RGS6: variants seen among roughly 807,000 people sequenced by gnomAD.
The protein encoded by RGS6 is regulator of G-protein signaling 6.
A neutral mutation model predicts 78.5 loss-of-function variants in RGS6; 30 were observed. The ratio of observed to expected loss-of-function variants is 0.38; its 90% CI spans 0.29 to 0.52. RGS6 has a LOEUF of 0.52. Ranked by LOEUF, RGS6 falls within the 20% of genes least tolerant of loss-of-function variation. The pLI, the probability that RGS6 is intolerant of heterozygous loss-of-function variation, is 0.85. For synonymous variants in RGS6, 206 were observed against 206.0 expected (o/e 1.00, Z 0.00); for missense variants, 495 against 609.7 (o/e 0.81, Z 1.98).
At chr14:71,869,341 G>A in the RGS6 span, among the ~76,000 whole-genome samples, 13 of 152,330 alleles carry the variant, frequency 8.5e-5, no homozygotes, top group African/African-American at 3.1e-4. Flanking sequence ...TCTGCCAGAA[G>A]AAAGTGAAAT....
intron 2 of RGS6, among the ~76,000 whole-genome samples, chr14:72,247,956 T>C (rs1428433078): frequency 1.3e-5 from 2 of 152,196 alleles, no homozygotes; most frequent in East Asian, 3.9e-4. Context: ...TATTCTGTTA[T>C]AGCAACACAA....
the RGS6 span, among the ~76,000 whole-genome samples, chr14:72,628,630 T>G: frequency 9.2e-5 from 14 of 151,462 alleles, no homozygotes; most frequent in Non-Finnish European, 1.6e-4. Context: ...GAAGTAGTCT[T>G]GCCAAAAGAG....
intron 1 of RGS6, among the ~76,000 whole-genome samples, chr14:71,935,279 G>T (rs1448187388): frequency 6.6e-6 from 1 of 152,016 alleles, no homozygotes; most frequent in Non-Finnish European, 1.5e-5. Flanking sequence ...AACAGTTCAG[G>T]AAAATACAAA....
At chr14:71,932,129 G>A (rs549054114), upstream of RGS6, among the ~76,000 whole-genome samples, 1 of 152,344 alleles carries the variant, frequency 6.6e-6, no homozygotes, top group East Asian at 1.9e-4. Context: ...GCCCGGTCGA[G>A]CCAGTCTCTC....
intron 3 of RGS6, among the ~76,000 whole-genome samples, chr14:72,382,962 A>C (rs1206692791): frequency 4.6e-5 from 7 of 151,962 alleles, no homozygotes; most frequent in African/African-American, 1.7e-4. Context: ...GTAGACAACA[A>C]GAAATGTTTA....
intron 2 of RGS6, among the ~76,000 whole-genome samples, chr14:72,341,389 G>T (rs2076962757): frequency 1.3e-5 from 2 of 152,192 alleles, no homozygotes; most frequent in African/African-American, 4.8e-5. Context: ...CTCTAACACT[G>T]GGGATTACAA....
At chr14:72,254,585 T>C (rs977138462) in intron 2 of RGS6, among the ~76,000 whole-genome samples, 7 of 152,136 alleles carry the variant, frequency 4.6e-5, no homozygotes, top group African/African-American at 1.7e-4. Context: ...TGTCCAATTT[T>C]AGCCTACTGG....
chr14:72,453,259 C>T (rs888641749), intron 3 of RGS6, among the ~76,000 whole-genome samples: 1 of 152,072 alleles, frequency 6.6e-6, no homozygotes, highest in African/African-American at 2.4e-5. Context: ...GTTACAGCAC[C>T]TCTTGTCCAG....
chr14:71,882,090 C>T, the RGS6 span, among the ~76,000 whole-genome samples: 2 of 152,186 alleles, frequency 1.3e-5, no homozygotes, highest in Non-Finnish European at 2.9e-5. Context: ...TTCTGTATTC[C>T]TTAACTCTGT....
At chr14:72,022,523 A>G (rs1490156239) in intron 2 of RGS6, 1 of 152,226 alleles carries the variant, frequency 6.6e-6, no homozygotes, top group African/African-American at 2.4e-5. Flanking sequence ...AGTTGCTATT[A>G]CAATTATGAT....
chr14:72,317,069 G>A (rs1208881282), intron 2 of RGS6, among the ~76,000 whole-genome samples: 1 of 152,066 alleles, frequency 6.6e-6, no homozygotes, highest in Non-Finnish European at 1.5e-5. Flanking sequence ...GCAGAACTGG[G>A]TTCTAATGCT....
In RGS6 at chr14:72,163,223, A is replaced by G. The variant is rs1441842797; in HGVS notation, c.85-188872A>G. On this transcript the variant is annotated intron_variant, in intron 2 of 17. Transcript: ENST00000553525. Reference sequence around the variant, plus strand: ...AATAAAAAATTAAAAAATAATAAAAATAAAATAAAATCTTTATAAGACTAC... The same window carrying G: ...AATAAAAAATTAAAAAATAATAAAAGTAAAATAAAATCTTTATAAGACTAC... Among the ~76,000 whole-genome samples, 5 of 152,196 alleles carry G rather than the reference A, an allele frequency of 3.3e-5. No individual in the cohort carries two copies. In the East Asian group the frequency reaches 9.6e-4, roughly 29 times the overall value.
chr14:71,906,267 C>A, the RGS6 span, among the ~76,000 whole-genome samples: 5 of 152,240 alleles, frequency 3.3e-5, no homozygotes, highest in African/African-American at 1.2e-4. Flanking sequence ...TTCCAAAGCA[C>A]CAGCTGCTGA....
chr14:72,291,668 G>A (rs548589211), intron 2 of RGS6, among the ~76,000 whole-genome samples: 2 of 152,278 alleles, frequency 1.3e-5, no homozygotes, highest in African/African-American at 2.4e-5. Flanking sequence ...GAAAGATAGA[G>A]CAGAGTAGCA....
chr14:72,238,007 G>A (rs1235205338), intron 2 of RGS6, among the ~76,000 whole-genome samples: 3 of 152,110 alleles, frequency 2.0e-5, no homozygotes, highest in Non-Finnish European at 4.4e-5. Flanking sequence ...GGTCACATAG[G>A]CTTGAAGGAT....
chr14:72,617,632 G>A, the RGS6 span, among the ~76,000 whole-genome samples: 5 of 152,196 alleles, frequency 3.3e-5, no homozygotes, highest in Non-Finnish European at 4.4e-5. Context: ...CTGCTGAAGC[G>A]TGGGGGAGAC....
intron 17 of RGS6, 88 bp downstream of exon 17, chr14:72,540,182 G>A: frequency 1.4e-6 from 2 of 1,426,808 alleles, no homozygotes; most frequent in South Asian, 1.4e-5. Context: ...CCCTTTGGTT[G>A]TTGTTTCCTT....
rs2094474148 is a variant in RGS6, at chr14:72,427,451, A to AT, written c.185-27075dup. On this transcript the variant is annotated intron_variant, in intron 3 of 17. Coordinates refer to ENST00000553525, the MANE Select transcript of RGS6 (RefSeq NM_001204424.2). ...ACTACTGTAGATCCTCCTGCTCCTA[A>AT]TTAGCCTACCCTAACTGATGTTGCA... Among the ~76,000 whole-genome samples the AT allele has an allele frequency of 3.9e-5, 6 of 152,276 alleles. No homozygotes were observed. The South Asian group carries it at 1.2e-3, about 32-fold the overall frequency.
intron 2 of RGS6, among the ~76,000 whole-genome samples, chr14:71,981,113 C>G (rs1029900491): frequency 6.7e-6 from 1 of 149,254 alleles, no homozygotes; most frequent in Non-Finnish European, 1.5e-5. Flanking sequence ...TCAGCTCCAT[C>G]AGCTCCTTTA....
Sources: gnomAD v4.1 joint callset for allele counts (sites outside exome capture counted in the v4.1 genomes callset) on GRCh38, gnomAD v4.1.1 for gene constraint, MANE v1.5 for transcripts, NCBI Gene and HGNC (gene_info 2026-07-23, HGNC 2026-07-21) for gene names.